MIR17HG: variants seen among roughly 807,000 people sequenced by gnomAD.
MIR17HG encodes miR-17-92a-1 cluster host gene, also known as MIR17 host gene (non-protein coding).
intron 3 of MIR17HG, among the ~76,000 whole-genome samples, chr13:91,352,664 CAT>C (rs1209454399): frequency 1.3e-5 from 2 of 152,124 alleles, no homozygotes; most frequent in African/African-American, 4.8e-5. Flanking sequence ...TTGATGAAAA[CAT>C]AAATTTTCAG....
chr13:91,352,467 A>G (rs1297033045), intron 3 of MIR17HG: 1 of 152,228 alleles, frequency 6.6e-6, no homozygotes, highest in Non-Finnish European at 1.5e-5. Flanking sequence ...AAAAGAGGCT[A>G]TCTTAGTAAT....
chr13:91,350,473 T>A (rs1329260711), intron 3 of MIR17HG: 1 of 423,548 alleles, frequency 2.4e-6, no homozygotes. Context: ...AATTTTTTCT[T>A]CCCCATTAGG....
intron 3 of MIR17HG, chr13:91,351,972 A>G (rs1055169556): frequency 6.5e-6 from 1 of 153,362 alleles, no homozygotes; most frequent in Non-Finnish European, 1.5e-5. Context: ...GCTATAAATG[A>G]CCAAGGTCCT....
chr13:91,351,321 C>T (rs371396932), intron 3 of MIR17HG: 3 of 532,168 alleles, frequency 5.6e-6, no homozygotes, highest in Non-Finnish European at 1.2e-5. Context: ...CCCCTTTCTA[C>T]ACAGGTTGGG....
At chr13:91,351,354 T>A (rs746189994) in intron 3 of MIR17HG, 2 of 530,776 alleles carry the variant, frequency 3.8e-6, no homozygotes, top group African/African-American at 3.9e-5. Context: ...GCTGTGTTTC[T>A]GTATGGTATT....
exon 4 of MIR17HG, chr13:91,354,113 G>C (rs1012629409): frequency 6.6e-6 from 1 of 152,202 alleles, no homozygotes; most frequent in Non-Finnish European, 1.5e-5. Context: ...TCTAACTTTA[G>C]AGAATTAAGA....
At chr13:91,350,794 T>A (rs1376583941) in intron 3 of MIR17HG, 1 of 534,814 alleles carries the variant, frequency 1.9e-6, no homozygotes, top group Non-Finnish European at 3.8e-6. Context: ...TAGATTAGCA[T>A]CTACTGCCCT....
At chr13:91,348,225 G>A (rs1485152831) in intron 1 of MIR17HG, among the ~76,000 whole-genome samples, 1 of 149,932 alleles carries the variant, frequency 6.7e-6, no homozygotes, top group African/African-American at 2.4e-5. Flanking sequence ...GCCGCGCCCG[G>A]GACCCGCGCA....
chr13:91,350,307 T>C lies in MIR17HG; in HGVS notation n.284+81T>C, dbSNP rs377328844. ...CAGTCTCATTTTGTTTTGTTTTTTT[T>C]CTCTATGTGTCAATCCATTTGGGAG... On this transcript the variant is annotated intron_variant and non_coding_transcript_variant, in intron 3 of 3. Transcript: ENST00000400282. The C allele has an allele frequency of 7.9e-5, 16 of 202,504 alleles. No individual in the cohort carries two copies. The East Asian group carries it at 1.3e-3, about 17-fold the overall frequency. The allele number at this position is 202,504 out of a possible 1,614,324, so 12.5% of individuals were successfully genotyped here. A position where few individuals can be genotyped will look rare whatever the true frequency, so the allele number is the denominator to read the frequency against.
At chr13:91,349,146 T>G (rs1465771355) in intron 1 of MIR17HG, among the ~76,000 whole-genome samples, 3 of 151,950 alleles carry the variant, frequency 2.0e-5, no homozygotes, top group African/African-American at 7.2e-5. Flanking sequence ...CCGGGCTCCA[T>G]GAGCGTGGCG....
chr13:91,351,443 A>C (rs747844782), intron 3 of MIR17HG: 19 of 499,628 alleles, frequency 3.8e-5, no homozygotes, highest in Non-Finnish European at 6.9e-5. Context: ...GAAGATTTCG[A>C]CTTCCACTGT....
chr13:91,350,807 G>A (rs1875270289), intron 3 of MIR17HG: 1 of 534,714 alleles, frequency 1.9e-6, no homozygotes, highest in African/African-American at 1.9e-5. Context: ...ACTGCCCTAA[G>A]TGCTCCTTCT....
At chr13:91,353,728 C>T (rs1172678497) in intron 3 of MIR17HG, among the ~76,000 whole-genome samples, 1 of 149,690 alleles carries the variant, frequency 6.7e-6, no homozygotes, top group African/African-American at 2.5e-5. Flanking sequence ...GGTCATGTTG[C>T]TTTAGGTTTA....
At chr13:91,348,734 G>T (rs1330080829) in intron 1 of MIR17HG, among the ~76,000 whole-genome samples, 1 of 150,552 alleles carries the variant, frequency 6.6e-6, no homozygotes, top group African/African-American at 2.4e-5. Context: ...AGTGTGGCGC[G>T]GGAGGGCCAG....
At chr13:91,348,799 A>G (rs1208150760) in intron 1 of MIR17HG, among the ~76,000 whole-genome samples, 4 of 149,660 alleles carry the variant, frequency 2.7e-5, no homozygotes, top group Non-Finnish European at 4.5e-5. Context: ...GGCGGGCTGC[A>G]CGGGGGTGAG....
chr13:91,348,526 CTT>C (rs1437100191), intron 1 of MIR17HG, among the ~76,000 whole-genome samples: 2 of 151,402 alleles, frequency 1.3e-5, no homozygotes, highest in African/African-American at 4.8e-5. Context: ...GTTCCCCAAA[CTT>C]TGTACGCGCG....
intron 3 of MIR17HG, chr13:91,351,751 TC>T (rs564781485): frequency 5.9e-4 from 116 of 196,810 alleles, no homozygotes; most frequent in African/African-American, 2.5e-3. Flanking sequence ...TTTATGTTGC[TC>T]ATATATTACT....
chr13:91,353,136 A>G (rs1382512199), intron 3 of MIR17HG, among the ~76,000 whole-genome samples: 2 of 143,590 alleles, frequency 1.4e-5, no homozygotes, highest in Non-Finnish European at 3.1e-5. Flanking sequence ...AAAAAAAAAA[A>G]GTTTCATAAT....
chr13:91,352,801 C>T (rs887926565), intron 3 of MIR17HG, among the ~76,000 whole-genome samples: 2 of 152,084 alleles, frequency 1.3e-5, no homozygotes, highest in Non-Finnish European at 2.9e-5. Flanking sequence ...ACAAACGTGG[C>T]TTTCAAACTA....
Sources: allele counts gnomAD v4.1 joint callset (sites outside exome capture counted in the v4.1 genomes callset), GRCh38; gene constraint gnomAD v4.1.1; transcripts MANE v1.5; gene names NCBI Gene and HGNC (gene_info 2026-07-23, HGNC 2026-07-21).